The following GRHL2 variants were observed in gnomAD, a reference collection of about 807,000 sequenced individuals.
The protein encoded by GRHL2 is grainyhead like transcription factor 2.
Under a neutral mutation model 83.8 loss-of-function variants are expected in GRHL2, and 21 were observed. The observed-to-expected ratio is 0.25, with a 90% CI of 0.18 to 0.36. The LOEUF is 0.36. Among genes scored for constraint, GRHL2 ranks in the 10% least tolerant of loss-of-function variants. The pLI is 1.00. For synonymous variants in GRHL2, 280 were observed against 278.9 expected (o/e 1.00, Z -0.04); for missense variants, 623 against 781.8 (o/e 0.80, Z 2.42).
At chr8:101,509,138 C>CT (rs1563556048) in intron 1 of GRHL2, among the ~76,000 whole-genome samples, 67 of 73,138 alleles carry the variant, frequency 9.2e-4, no homozygotes, top group African/African-American at 1.8e-3. Flanking sequence ...TCCTTCCTTC[C>CT]TTCCTTCCTT....
chr8:101,662,341 CCTT>C (rs1251176256), intron 14 of GRHL2, among the ~76,000 whole-genome samples: 3 of 152,232 alleles, frequency 2.0e-5, no homozygotes, highest in Non-Finnish European at 2.9e-5. Context: ...GTCCCAGTCT[CCTT>C]CTGCTCGCCC....
At chr8:101,608,733 T>TCA (rs1812682574) in intron 8 of GRHL2, among the ~76,000 whole-genome samples, 1 of 50,528 alleles carries the variant, frequency 2.0e-5, no homozygotes, top group East Asian at 3.4e-4. Flanking sequence ...CTGCTCACTC[T>TCA]CTCACACACA....
chr8:101,652,524 G>T (rs1451145001), intron 14 of GRHL2, among the ~76,000 whole-genome samples: 3 of 88,808 alleles, frequency 3.4e-5, no homozygotes, highest in South Asian at 4.3e-4. Flanking sequence ...TGTGTGTGGT[G>T]TGTGTGTGGT....
chr8:101,580,537 G>T (rs1277065600), intron 7 of GRHL2, among the ~76,000 whole-genome samples: 2 of 150,920 alleles, frequency 1.3e-5, no homozygotes, highest in Non-Finnish European at 3.0e-5. Context: ...TTACAGGCGA[G>T]AGCCACTGCG....
intron 14 of GRHL2, among the ~76,000 whole-genome samples, chr8:101,651,540 C>T (rs546871267): frequency 3.3e-5 from 5 of 152,272 alleles, no homozygotes; most frequent in African/African-American, 1.2e-4. Flanking sequence ...GGCATCTGAC[C>T]AGTTCTATAA....
At chr8:101,560,505 A>C (rs1811586861) in intron 4 of GRHL2, among the ~76,000 whole-genome samples, 1 of 152,076 alleles carries the variant, frequency 6.6e-6, no homozygotes, top group Admixed American at 6.5e-5. Context: ...ATATGCTTTC[A>C]TTTCTCTCGG....
At chr8:101,630,878 A>T (rs978743888) in intron 9 of GRHL2, among the ~76,000 whole-genome samples, 1 of 152,192 alleles carries the variant, frequency 6.6e-6, no homozygotes, top group Admixed American at 6.5e-5. Flanking sequence ...AAGAGAAAAG[A>T]TAGGGCATCA....
intron 1 of GRHL2, among the ~76,000 whole-genome samples, chr8:101,511,247 T>G (rs1179298373): frequency 2.0e-5 from 3 of 152,188 alleles, no homozygotes; most frequent in Admixed American, 2.0e-4. Flanking sequence ...AATATACAAG[T>G]GACTAAAGGA....
chr8:101,549,458 A>T (rs1811333454), intron 2 of GRHL2, among the ~76,000 whole-genome samples: 1 of 152,156 alleles, frequency 6.6e-6, no homozygotes. Flanking sequence ...CAGTTAGCTG[A>T]TTCAGCAGCC....
chr8:101,576,325 C>G (rs977615290), intron 6 of GRHL2, among the ~76,000 whole-genome samples: 2 of 152,158 alleles, frequency 1.3e-5, no homozygotes, highest in African/African-American at 4.8e-5. Flanking sequence ...ACGGATCCTC[C>G]TGTCTCAGCC....
At chr8:101,622,884 T>C (rs1812993049) in intron 9 of GRHL2, among the ~76,000 whole-genome samples, 1 of 152,234 alleles carries the variant, frequency 6.6e-6, no homozygotes, top group African/African-American at 2.4e-5. Flanking sequence ...ATCATTCTTA[T>C]GCCTTTGGGT....
intron 4 of GRHL2, among the ~76,000 whole-genome samples, chr8:101,568,634 ATC>A (rs1811764067): frequency 6.6e-6 from 1 of 150,650 alleles, no homozygotes; most frequent in African/African-American, 2.4e-5. Context: ...ACCAATTTTT[ATC>A]TCTCTGAGGC....
At chr8:101,548,586 C>T (rs900741921) in intron 2 of GRHL2, among the ~76,000 whole-genome samples, 2 of 152,124 alleles carry the variant, frequency 1.3e-5, no homozygotes, top group African/African-American at 4.8e-5. Context: ...GCAGAGAGTA[C>T]AGAATAAAGG....
chr8:101,649,541 G>A, intron 14 of GRHL2, 42 bp downstream of exon 14: 1 of 1,449,984 alleles, frequency 6.9e-7, no homozygotes, highest in Non-Finnish European at 9.7e-7. Flanking sequence ...AACCTGCTGT[G>A]TTCTCTCTCC....
chr8:101,524,197 C>T (rs1007031195), intron 1 of GRHL2, among the ~76,000 whole-genome samples: 1 of 152,108 alleles, frequency 6.6e-6, no homozygotes, highest in Non-Finnish European at 1.5e-5. Flanking sequence ...ACAAAATTGT[C>T]TTTTTTCAGA....
At chr8:101,640,242 T>C (rs993470259) in intron 12 of GRHL2, among the ~76,000 whole-genome samples, 1 of 152,236 alleles carries the variant, frequency 6.6e-6, no homozygotes. Context: ...AATAGCAGGA[T>C]AATAATAGCC....
At chr8:101,646,446 A>G (rs1477498475) in intron 13 of GRHL2, among the ~76,000 whole-genome samples, 3 of 152,222 alleles carry the variant, frequency 2.0e-5, no homozygotes, top group East Asian at 3.9e-4. Context: ...CATCTGAATC[A>G]TAGACACATG....
rs1814095881 is a variant in GRHL2 at position 101,667,440 on chromosome 8, A to C, written c.*737A>C. 1 of 153,150 alleles carries C rather than the reference A, an allele frequency of 6.5e-6. No homozygotes were observed. Among genetic ancestry groups the C allele is most frequent in the African/African-American group, 2.4e-5 (1 of 41,434 alleles). The allele number at this position is 153,150 out of a possible 1,614,324, so 9.5% of individuals were successfully genotyped here. ...AGACACAGACCTGGAGACCGTTTTA[A>C]TGGGGGTTTTTGCCTCTGTGCCTGT... On this transcript the variant is annotated 3_prime_UTR_variant, in exon 16 of 16. Transcript: ENST00000646743.
chr8:101,606,355 T>C (rs1218666190), intron 8 of GRHL2, among the ~76,000 whole-genome samples: 1 of 152,250 alleles, frequency 6.6e-6, no homozygotes, highest in South Asian at 2.1e-4. Flanking sequence ...TGATATTTCC[T>C]CTGGGCCCTA....
Sources: allele counts gnomAD v4.1 joint callset (sites outside exome capture counted in the v4.1 genomes callset), GRCh38; gene constraint gnomAD v4.1.1; transcripts MANE v1.5; gene names NCBI Gene and HGNC (gene_info 2026-07-23, HGNC 2026-07-21).